Variants in DHX34 observed in about 807,000 individuals in gnomAD.
DHX34 encodes the protein DExH-box helicase 34, also known as probable ATP-dependent RNA helicase DHX34.
Under a neutral mutation model 111.1 loss-of-function variants are expected in DHX34, and 96 were observed. The observed-to-expected ratio is 0.86, with a 90% CI of 0.73 to 1.02. DHX34 has a LOEUF of 1.02. Among genes scored for constraint, DHX34 ranks in the 50% least tolerant of loss-of-function variants. The probability of loss-of-function intolerance (pLI) is 0.00; values close to 1 mark genes in which losing one functional copy is unlikely to be tolerated. For synonymous variants in DHX34, 688 were observed against 670.4 expected, an observed-to-expected ratio of 1.03 and a Z score of -0.41; for missense variants, 1,560 against 1,579.9, an observed-to-expected ratio of 0.99 and a Z score of 0.21.
rs980399308 is a variant in DHX34, at chr19:47,377,048, A to T, written c.2600-52A>T. 5.3e-5 allele frequency: 85 copies of T among 1,611,332 alleles called. No individual in the cohort carries two copies. In the Admixed American group the frequency reaches 1.4e-3, roughly 26 times the overall value. ...ACCGGGTGGGACAGGCGGGCTTCTG[A>T]TGGGCCTGGGTGGGCCAGGGTGGGC... is the stretch of plus-strand genomic sequence containing the variant. On this transcript the variant is annotated intron_variant, in intron 12 of 16. Transcript: ENST00000328771.
At chr19:47,368,884 T>G (rs2122296050) in intron 7 of DHX34, among the ~76,000 whole-genome samples, 1 of 151,570 alleles carries the variant, frequency 6.6e-6, no homozygotes, top group East Asian at 1.9e-4. Flanking sequence ...TGGCTAATTT[T>G]TGTTTTGTTT....
Position 47,372,787 on chromosome 19 carries a change from C to G in DHX34, c.1826C>G (p.Ala609Gly), listed in dbSNP as rs1970006214. 1.2e-6 allele frequency: 2 copies of G among 1,613,112 alleles called. No homozygotes were observed. Among genetic ancestry groups the G allele is most frequent in the Non-Finnish European group, 1.7e-6 (2 of 1,179,824 alleles). Reference sequence around the variant, plus strand: ...CTGGTGGAGCCTGTGCTCACCATCGCAGCCGCACTTAGCGTCCAGTCGCCC... The same window carrying G: ...CTGGTGGAGCCTGTGCTCACCATCGGAGCCGCACTTAGCGTCCAGTCGCCC... Reference protein sequence around the residue: ...FSLVEPVLTIAAALSVQSPFT... With the variant: ...FSLVEPVLTIGAALSVQSPFT... Residue 609 changes from alanine (A) to glycine (G), a missense_variant, in exon 8 of 17, where the codon GCA (alanine) becomes GGA (glycine). By Grantham distance (60) the Ala-to-Gly change is moderately conservative. Coordinates refer to ENST00000328771, the MANE Select transcript of DHX34 (RefSeq NM_014681.6).
chr19:47,381,029 C>T (rs1970339248), intron 15 of DHX34, 37 bp downstream of exon 15: 1 of 1,542,524 alleles, frequency 6.5e-7, no homozygotes, highest in African/African-American at 1.4e-5. Context: ...GGTGGGATTT[C>T]AGGAAGACCC....
intron 7 of DHX34, chr19:47,372,477 G>A (rs1434885986): frequency 4.6e-6 from 2 of 438,162 alleles, no homozygotes; most frequent in African/African-American, 2.2e-5. Context: ...AGTATCTCCT[G>A]TGTGTCCAAG....
chr19:47,350,869 G>GGAAGAGAGAT (rs1223829371), intron 1 of DHX34, among the ~76,000 whole-genome samples: 1 of 152,080 alleles, frequency 6.6e-6, no homozygotes, highest in African/African-American at 2.4e-5. Flanking sequence ...ACTAGGACAG[G>GGAAGAGAGAT]GAAGAGAGAT....
intron 7 of DHX34, among the ~76,000 whole-genome samples, chr19:47,371,381 C>T (rs769293630): frequency 1.3e-5 from 2 of 152,226 alleles, no homozygotes; most frequent in Non-Finnish European, 2.9e-5. Context: ...GAGTTCTGAA[C>T]GCTTCACAGG....
chr19:47,358,133 G>T lies in DHX34; in HGVS notation c.1272+13G>T. The T allele has an allele frequency of 6.3e-7, 1 of 1,597,892 alleles. No individual in the cohort carries two copies. The highest frequency in any genetic ancestry group is 2.3e-5 in the East Asian group (1 of 44,396). ...CGACCAGGACAAGGTATCACAGGAA[G>T]CCCGAGTGGGGCAGGCGGGGGGTCT... On this transcript the variant is annotated intron_variant, in intron 4 of 16. Transcript: ENST00000328771.
rs372496661 is a variant in DHX34, at chr19:47,375,911, G to T, written c.2308-13G>T. The T allele has an allele frequency of 6.3e-7, 1 of 1,594,590 alleles. No individual in the cohort carries two copies. The highest frequency in any genetic ancestry group is 1.4e-5 in the African/African-American group (1 of 73,608). On this transcript the variant is annotated splice_polypyrimidine_tract_variant and intron_variant, in intron 10 of 16. Coordinates refer to ENST00000328771, the MANE Select transcript of DHX34 (RefSeq NM_014681.6). ...AGGTCCCCTAAGACTCTGCCTCCCC[G>T]TGCTCCCCCCAGGATGTGAAGTTCA...
chr19:47,375,730 G>A, intron 10 of DHX34, 22 bp downstream of exon 10: 1 of 1,558,922 alleles, frequency 6.4e-7, no homozygotes, highest in Non-Finnish European at 8.6e-7. Flanking sequence ...GGGCTGTGGG[G>A]TGTGGGGGTT....
Position 47,375,565 on chromosome 19 carries a change from C to T in DHX34, c.2164C>T (p.His722Tyr). The T allele has an allele frequency of 6.5e-7, 1 of 1,548,598 alleles. No individual in the cohort carries two copies. The highest frequency in any genetic ancestry group is 8.7e-7 in the Non-Finnish European group (1 of 1,151,452). The change falls in exon 10 of 17, where the codon CAC (histidine) becomes TAC (tyrosine). Residue 722 changes from histidine to tyrosine, a missense_variant. Coordinates refer to ENST00000328771, the MANE Select transcript of DHX34 (RefSeq NM_014681.6). ...GCAGCGCCGGGAGCGCCGGGCCCTG[C>T]ACCAGCTGAAACGCCAGCACGAGGA... ...LQQRRERRAL[H>Y]QLKRQHEEGA...
chr19:47,368,362 A>G (rs568127225), intron 7 of DHX34, among the ~76,000 whole-genome samples: 1 of 133,164 alleles, frequency 7.5e-6, no homozygotes, highest in South Asian at 2.3e-4. Context: ...GCTGGAGTGC[A>G]ATGGTGCCAT....
chr19:47,351,308 C>T (rs548101697), intron 1 of DHX34, among the ~76,000 whole-genome samples: 46 of 150,088 alleles, frequency 3.1e-4, no homozygotes, highest in African/African-American at 1.1e-3. Flanking sequence ...CCTCCCGAGT[C>T]GCTGGGACTA....
At chr19:47,363,930 G>T (rs1969711322) in intron 6 of DHX34, among the ~76,000 whole-genome samples, 1 of 152,034 alleles carries the variant, frequency 6.6e-6, no homozygotes, top group African/African-American at 2.4e-5. Flanking sequence ...TAAAACCAGG[G>T]TTTCTCAATA....
chr19:47,355,667 T>C (rs934101031), intron 3 of DHX34, among the ~76,000 whole-genome samples: 1 of 151,954 alleles, frequency 6.6e-6, no homozygotes, highest in African/African-American at 2.4e-5. Context: ...GCTAACATGG[T>C]GAAACCCCAT....
At chr19:47,358,382 C>T (rs1158914423) in intron 4 of DHX34, among the ~76,000 whole-genome samples, 2 of 152,070 alleles carry the variant, frequency 1.3e-5, no homozygotes, top group Non-Finnish European at 2.9e-5. Context: ...CTCTGTCTGT[C>T]ACAGCTACTC....
intron 3 of DHX34, among the ~76,000 whole-genome samples, chr19:47,357,486 CAT>C (rs1309246100): frequency 6.6e-6 from 1 of 152,102 alleles, no homozygotes; most frequent in Admixed American, 6.6e-5. Flanking sequence ...CCAGAGGGAA[CAT>C]ATGGCAATGT....
At chr19:47,369,447 A>G (rs897392224) in intron 7 of DHX34, among the ~76,000 whole-genome samples, 1 of 152,206 alleles carries the variant, frequency 6.6e-6, no homozygotes, top group Non-Finnish European at 1.5e-5. Context: ...TGGCCCATTC[A>G]TTAAATAATT....
chr19:47,349,678 TC>T (rs1208905585), intron 1 of DHX34, among the ~76,000 whole-genome samples: 5 of 152,054 alleles, frequency 3.3e-5, no homozygotes, highest in Admixed American at 3.3e-4. Context: ...GCCGATGGGT[TC>T]CAGCGAGAGT....
chr19:47,369,850 G>A (rs1046431452), intron 7 of DHX34, among the ~76,000 whole-genome samples: 5 of 152,094 alleles, frequency 3.3e-5, no homozygotes, highest in African/African-American at 7.2e-5. Flanking sequence ...TTGACCTGGC[G>A]GTTCTGTGAG....
Sources: gnomAD v4.1 joint callset for allele counts (sites outside exome capture counted in the v4.1 genomes callset) on GRCh38, gnomAD v4.1.1 for gene constraint, MANE v1.5 for transcripts, NCBI Gene and HGNC (gene_info 2026-07-23, HGNC 2026-07-21) for gene names.